Variants in LRIG1 observed in about 807,000 individuals in gnomAD.
The protein encoded by LRIG1 is leucine rich repeats and immunoglobulin like domains 1.
In LRIG1, 48 loss-of-function variants were observed where a neutral mutation model predicts 99.2. The observed-to-expected ratio is 0.48, with a 90% CI of 0.38 to 0.62. The LOEUF is 0.62. LRIG1 is among the 20% of genes least tolerant of loss of function. LRIG1 has a pLI of 0.00. For missense variants in LRIG1, 1,646 were observed against 1,434.4 expected, an observed-to-expected ratio of 1.15 and a Z score of -2.38; for synonymous variants, 772 against 596.1, an observed-to-expected ratio of 1.29 and a Z score of -4.30.
chr3:66,435,164 T>C (rs1405086434), intron 3 of LRIG1, among the ~76,000 whole-genome samples: 3 of 152,214 alleles, frequency 2.0e-5, no homozygotes, highest in Non-Finnish European at 4.4e-5. Flanking sequence ...GGAATTACGC[T>C]GAGTGAAAAA....
intron 6 of LRIG1, 79 bp downstream of exon 6, chr3:66,412,792 T>TGCGCAC: frequency 6.5e-7 from 1 of 1,530,112 alleles, no homozygotes; most frequent in Middle Eastern, 2.0e-4. Flanking sequence ...CGCACATGCA[T>TGCGCAC]GCGCACACAC....
intron 3 of LRIG1, among the ~76,000 whole-genome samples, chr3:66,445,745 A>C (rs1295019381): frequency 1.3e-5 from 2 of 152,206 alleles, no homozygotes; most frequent in Non-Finnish European, 2.9e-5. Flanking sequence ...GAAAGTTTTA[A>C]AGGCAGGCAG....
intron 1 of LRIG1, among the ~76,000 whole-genome samples, chr3:66,480,572 AC>A (rs900628439): frequency 5.9e-5 from 9 of 152,148 alleles, no homozygotes; most frequent in South Asian, 2.1e-4. Flanking sequence ...TGCAGAAAGA[AC>A]TGCCCCTCTA....
At chr3:66,411,942 T>C (rs1178904033) in intron 6 of LRIG1, among the ~76,000 whole-genome samples, 1 of 6,848 alleles carries the variant, frequency 1.5e-4, no homozygotes, top group African/African-American at 6.3e-4. Context: ...GAGGGGGTGG[T>C]GGCGGGGGAG....
At chr3:66,398,224 G>A in intron 10 of LRIG1, 41 bp from the exon 11 acceptor site, 1 of 1,514,924 alleles carries the variant, frequency 6.6e-7, no homozygotes, top group East Asian at 2.3e-5. Context: ...GAAACCCTAG[G>A]TACACCTGAG....
intron 2 of LRIG1, among the ~76,000 whole-genome samples, chr3:66,457,865 T>A (rs1448501180): frequency 6.6e-6 from 1 of 152,222 alleles, no homozygotes; most frequent in African/African-American, 2.4e-5. Context: ...ACCAGGATTA[T>A]ACTGGAGAAC....
rs761627996 is a variant in LRIG1, at chr3:66,381,521, C to T, written c.2728G>A (p.Ala910Thr). Reference protein sequence around the residue: ...GSAYHKEPWKAMEKAEGTPGP... With the variant: ...GSAYHKEPWKTMEKAEGTPGP... ...GGTGTCCCTTCAGCTTTCTCCATCG[C>T]TTTCCACGGCTCTTTGTGATACGCA... is the stretch of plus-strand genomic sequence containing the variant. The change falls in exon 17 of 19, where the codon GCG (alanine) becomes ACG (threonine). Residue 910 changes from alanine (A) to threonine (T), a missense_variant. Transcript: ENST00000273261. The T allele has an allele frequency of 3.5e-5, 56 of 1,613,948 alleles. No individual in the cohort carries two copies. Among genetic ancestry groups the T allele is most frequent in the Middle Eastern group, 3.3e-4 (2 of 6,084 alleles).
At chr3:66,446,775 T>G (rs1018324009) in intron 3 of LRIG1, among the ~76,000 whole-genome samples, 7 of 151,960 alleles carry the variant, frequency 4.6e-5, no homozygotes, top group Non-Finnish European at 1.0e-4. Flanking sequence ...TAAAGCCACC[T>G]CAGATATTTT....
Position 66,380,427 on chromosome 3 carries a change from A to G in LRIG1, c.3118T>C (p.Ser1040Pro). The G allele has an allele frequency of 6.2e-7, 1 of 1,614,206 alleles. No individual in the cohort carries two copies. The highest frequency in any genetic ancestry group is 8.5e-7 in the Non-Finnish European group (1 of 1,180,038). ...HPDSTELQPA[S>P]SLTSGSPERA... ...TCTGGACTGCCTGAAGTTAATGAAG[A>G]TGCAGGCTGTAGCTCTGTGGAGTCC... is the stretch of plus-strand genomic sequence containing the variant. The change falls in exon 19 of 19, where the codon TCT becomes CCT. Residue 1040 changes from serine to proline, a missense_variant. Ser to Pro is a moderately conservative substitution (Grantham distance 74, BLOSUM62 -1). Coordinates refer to ENST00000273261, the MANE Select transcript of LRIG1 (RefSeq NM_015541.3).
At chr3:66,405,765 C>A in intron 8 of LRIG1, 1 of 1,174,288 alleles carries the variant, frequency 8.5e-7, no homozygotes. Flanking sequence ...GCCAGTGGGT[C>A]TGGAGCCCGG....
At chr3:66,490,017 T>C (rs1701067319) in intron 1 of LRIG1, among the ~76,000 whole-genome samples, 1 of 152,208 alleles carries the variant, frequency 6.6e-6, no homozygotes. Flanking sequence ...GGTCAGCCAA[T>C]CTTTATTTTA....
chr3:66,380,824 G>A lies in LRIG1; in HGVS notation c.2808C>T (p.Thr936=), dbSNP rs35066235. The A allele has an allele frequency of 5.0e-4, 808 of 1,614,178 alleles. 5 individuals carry two copies. In the African/African-American group the frequency reaches 9.0e-3, roughly 18 times the overall value. The change falls in exon 18 of 19, where the codon ACC becomes ACT. Residue 936 remains threonine, a synonymous_variant. Transcript: ENST00000273261. ...GTCCCCTGGAGTAACAGTCCACTTC[G>A]GTGTTGCAGTCACTGCATACGACCC... ...GGRVVCSDCN[T]EVDCYSRGQA... is the part of the protein sequence containing the mutation.
At chr3:66,408,340 T>C (rs1259657161) in intron 7 of LRIG1, among the ~76,000 whole-genome samples, 1 of 152,098 alleles carries the variant, frequency 6.6e-6, no homozygotes, top group Non-Finnish European at 1.5e-5. Context: ...AGATCAAAAT[T>C]ATATCCTCAC....
chr3:66,489,440 T>G (rs1297792099), intron 1 of LRIG1, among the ~76,000 whole-genome samples: 1 of 152,120 alleles, frequency 6.6e-6, no homozygotes, highest in African/African-American at 2.4e-5. Context: ...GAGGATCACT[T>G]GAGCCTGGGA....
intron 15 of LRIG1, among the ~76,000 whole-genome samples, chr3:66,382,708 G>A (rs1701151227): frequency 6.6e-6 from 1 of 152,246 alleles, no homozygotes; most frequent in African/African-American, 2.4e-5. Flanking sequence ...AGCAGGGCCT[G>A]TGCATAGGCG....
chr3:66,408,982 A>C (rs1190388833), intron 7 of LRIG1, among the ~76,000 whole-genome samples: 5 of 56,346 alleles, frequency 8.9e-5, no homozygotes, highest in South Asian at 8.7e-4. Context: ...GGGGGGGAGG[A>C]GGAGGGAAGG....
In LRIG1 at chr3:66,380,613, C is replaced by T. The variant is rs1575638462; in HGVS notation, c.3019G>A (p.Val1007Met). Residue 1007 changes from valine (V) to methionine (M), a missense_variant, in exon 18 of 19, where the codon GTG (valine) becomes ATG (methionine). Transcript: ENST00000273261. ...AGAGATGCCATTGGCTTTTTCTTCA[C>T]AGCCGTCAGCATTCTATCGTGGTTA... Reference protein sequence around the residue: ...PSNHDRMLTAVKKKPMASLDG... With the variant: ...PSNHDRMLTAMKKKPMASLDG... 2.5e-6 allele frequency: 4 copies of T among 1,614,170 alleles called. No homozygotes were observed. Among genetic ancestry groups the T allele is most frequent in the African/African-American group, 1.3e-5 (1 of 75,074 alleles).
intron 1 of LRIG1, among the ~76,000 whole-genome samples, chr3:66,478,426 C>T (rs1482721016): frequency 3.3e-5 from 5 of 152,154 alleles, no homozygotes; most frequent in South Asian, 2.1e-4. Flanking sequence ...GAAAACCCAA[C>T]GGTAACTCAC....
At chr3:66,443,118 C>G (rs1373156694) in intron 3 of LRIG1, among the ~76,000 whole-genome samples, 1 of 152,088 alleles carries the variant, frequency 6.6e-6, no homozygotes, top group African/African-American at 2.4e-5. Flanking sequence ...TACGGAATCC[C>G]TGGGAAGTTT....
Sources: allele counts gnomAD v4.1 joint callset (sites outside exome capture counted in the v4.1 genomes callset), GRCh38; gene constraint gnomAD v4.1.1; transcripts MANE v1.5; gene names NCBI Gene and HGNC (gene_info 2026-07-23, HGNC 2026-07-21).